Variants in ETV6 observed in about 807,000 individuals in gnomAD.
The protein encoded by ETV6 is transcription factor ETV6.
In ETV6, 16 loss-of-function variants were observed where a neutral mutation model predicts 51.1. That is an observed-to-expected ratio of 0.31 (90% confidence interval 0.21 to 0.48). The LOEUF is 0.48. ETV6 is among the 20% of genes least tolerant of loss of function. ETV6 has a pLI of 0.99. For missense variants in ETV6, 458 were observed against 594.8 expected (o/e 0.77, Z 2.39); for synonymous variants, 240 against 224.1 (o/e 1.07, Z -0.64).
intron 2 of ETV6, among the ~76,000 whole-genome samples, chr12:11,827,455 T>C (rs902792801): frequency 5.3e-5 from 8 of 152,108 alleles, no homozygotes; most frequent in Non-Finnish European, 1.0e-4. Flanking sequence ...GTAGGTCAGA[T>C]TTGCCTTTGG....
intron 2 of ETV6, among the ~76,000 whole-genome samples, chr12:11,759,142 T>G (rs1303213667): frequency 6.7e-6 from 1 of 150,150 alleles, no homozygotes; most frequent in African/African-American, 2.4e-5. Flanking sequence ...CTTCAATAAA[T>G]GCAGCTATTT....
chr12:11,691,705 C>T (rs1249752523), intron 1 of ETV6, among the ~76,000 whole-genome samples: 1 of 152,148 alleles, frequency 6.6e-6, no homozygotes, highest in African/African-American at 2.4e-5. Flanking sequence ...TATGATGTTC[C>T]ATCATGAGCC....
intron 1 of ETV6, among the ~76,000 whole-genome samples, chr12:11,738,620 T>C (rs963654242): frequency 5.3e-5 from 8 of 152,088 alleles, no homozygotes; most frequent in African/African-American, 1.9e-4. Context: ...GTGCCACTTT[T>C]CCACAGCTGC....
chr12:11,727,200 C>A (rs750566103), intron 1 of ETV6, among the ~76,000 whole-genome samples: 14 of 152,186 alleles, frequency 9.2e-5, no homozygotes, highest in Non-Finnish European at 1.8e-4. Context: ...AAACAACCAC[C>A]CTGGATTGAG....
chr12:11,682,372 G>T (rs1229687587), intron 1 of ETV6, among the ~76,000 whole-genome samples: 4 of 152,306 alleles, frequency 2.6e-5, no homozygotes, highest in South Asian at 2.1e-4. Flanking sequence ...CTTCTTTTGA[G>T]AAGTGTCTGT....
At chr12:11,667,352 T>G (rs1864213727) in intron 1 of ETV6, among the ~76,000 whole-genome samples, 1 of 152,282 alleles carries the variant, frequency 6.6e-6, no homozygotes, top group African/African-American at 2.4e-5. Context: ...CTTCCCCTTC[T>G]ACTTCCCCTC....
chr12:11,693,179 G>A (rs1217307575), intron 1 of ETV6, among the ~76,000 whole-genome samples: 2 of 152,216 alleles, frequency 1.3e-5, no homozygotes, highest in Admixed American at 6.5e-5. Flanking sequence ...GCATCTGTCA[G>A]ATAAATTAGG....
chr12:11,657,355 G>C (rs576072556), intron 1 of ETV6, among the ~76,000 whole-genome samples: 2 of 152,288 alleles, frequency 1.3e-5, no homozygotes, highest in East Asian at 3.9e-4. Context: ...AAACAGGCAA[G>C]AATTCAGAAA....
intron 1 of ETV6, among the ~76,000 whole-genome samples, chr12:11,671,801 G>C (rs530499807): frequency 6.6e-6 from 1 of 152,028 alleles, no homozygotes; most frequent in Non-Finnish European, 1.5e-5. Flanking sequence ...TTTTGACCCA[G>C]CAGTTAGTTT....
rs1947312074 is a variant in ETV6, at chr12:11,892,618, G to C, written c.*1572G>C. 4.3e-6 allele frequency: 1 copy of C among 231,980 alleles called. No homozygotes were observed. Among genetic ancestry groups the C allele is most frequent in the Non-Finnish European group, 8.5e-6 (1 of 117,778 alleles). 14.4% of individuals were successfully genotyped at this position (231,980 alleles called of 1,614,324 possible). On this transcript the variant is annotated 3_prime_UTR_variant, in exon 8 of 8. Transcript: ENST00000396373. ...ATCCAGATTACACCTGCCTTACAAA[G>C]CACCCCCTCCTTGTTCCCCTCTGTT...
chr12:11,699,482 A>G (rs533315426), intron 1 of ETV6, among the ~76,000 whole-genome samples: 3 of 152,342 alleles, frequency 2.0e-5, no homozygotes, highest in Admixed American at 2.0e-4. Context: ...AGGGATGTAC[A>G]AGATTTAATT....
At chr12:11,748,121 G>A (rs116125142) in intron 1 of ETV6, among the ~76,000 whole-genome samples, 2,204 of 152,276 alleles carry the variant, frequency 0.014, 34 homozygotes, top group Middle Eastern at 0.027. Context: ...CATCTTATCT[G>A]GGTTGCAGGT....
At chr12:11,889,475 TA>T (rs1947254920) in intron 7 of ETV6, among the ~76,000 whole-genome samples, 1 of 152,210 alleles carries the variant, frequency 6.6e-6, no homozygotes, top group Admixed American at 6.5e-5. Context: ...AGATACTCTT[TA>T]CAAGATGTTT....
At chr12:11,775,835 TTATTAC>T (rs1945315778) in intron 2 of ETV6, among the ~76,000 whole-genome samples, 1 of 152,246 alleles carries the variant, frequency 6.6e-6, no homozygotes. Context: ...GAGCACCAAG[TTATTAC>T]TATTTTCCAT....
chr12:11,777,503 C>T (rs1428197307), intron 2 of ETV6, among the ~76,000 whole-genome samples: 3 of 151,510 alleles, frequency 2.0e-5, no homozygotes, highest in African/African-American at 4.8e-5. Context: ...TCCATCAGGG[C>T]GTAGTGGGTC....
At chr12:11,658,135 T>C (rs1217235043) in intron 1 of ETV6, among the ~76,000 whole-genome samples, 1 of 152,194 alleles carries the variant, frequency 6.6e-6, no homozygotes, top group Non-Finnish European at 1.5e-5. Context: ...TCCTCCTCCT[T>C]TATACATCCT....
chr12:11,717,492 T>C (rs1325752893), intron 1 of ETV6, among the ~76,000 whole-genome samples: 1 of 152,216 alleles, frequency 6.6e-6, no homozygotes, highest in Non-Finnish European at 1.5e-5. Context: ...GCAACTGCTT[T>C]TCCCTATAGT....
intron 3 of ETV6, 42 bp from the exon 4 acceptor site, chr12:11,853,385 C>T (rs1428807662): frequency 2.5e-6 from 4 of 1,612,344 alleles, no homozygotes; most frequent in African/African-American, 2.7e-5. Flanking sequence ...GTTGGAAAAA[C>T]ATCTTTCCAT....
At chr12:11,804,513 G>T (rs1565532638) in intron 2 of ETV6, among the ~76,000 whole-genome samples, 2 of 151,998 alleles carry the variant, frequency 1.3e-5, no homozygotes. Context: ...TTCTACCTCA[G>T]GGCATTTGCA....
Sources: gnomAD v4.1 joint callset for allele counts (sites outside exome capture counted in the v4.1 genomes callset) on GRCh38, gnomAD v4.1.1 for gene constraint, MANE v1.5 for transcripts, NCBI Gene and HGNC (gene_info 2026-07-23, HGNC 2026-07-21) for gene names.